The following ADH5 variants were observed in gnomAD, a reference collection of about 807,000 sequenced individuals.
The protein encoded by ADH5 is alcohol dehydrogenase class-3.
ADH5 carries 32 observed loss-of-function variants against 40.3 expected under a neutral mutation model. The observed-to-expected ratio is 0.79, with a 90% CI of 0.60 to 1.07. The LOEUF (loss-of-function observed/expected upper bound fraction) is 1.07, where lower values mean the gene tolerates loss of function less well. ADH5 is among the 50% of genes least tolerant of loss of function. The pLI, the probability that ADH5 is intolerant of heterozygous loss-of-function variation, is 0.00. For synonymous variants in ADH5, 125 were observed against 154.3 expected (o/e 0.81, Z 1.41); for missense variants, 353 against 460.5 (o/e 0.77, Z 2.14).
chr4:99,086,741 G>C (rs1343291578), intron 1 of ADH5, among the ~76,000 whole-genome samples: 1 of 150,866 alleles, frequency 6.6e-6, no homozygotes, highest in Non-Finnish European at 1.5e-5. Flanking sequence ...TCAGGAGATC[G>C]AGACCATCCT....
At chr4:99,088,128 C>T (rs1226320919) in intron 1 of ADH5, among the ~76,000 whole-genome samples, 3 of 152,094 alleles carry the variant, frequency 2.0e-5, no homozygotes, top group East Asian at 3.9e-4. Context: ...GTGTTTGTTA[C>T]GTGAGGACTA....
Position 99,072,452 on chromosome 4 carries a change from A to C in ADH5, c.1101-11T>G, listed in dbSNP as rs1560751975. On this transcript the variant is annotated splice_polypyrimidine_tract_variant and intron_variant, in intron 8 of 8. Transcript: ENST00000296412. ...ACAACAGTTCGAATGCTGTAAAAGGAAGCAACATACTAAGTTTTAAATGAT... is the reference window on the plus strand; with the variant it reads ...ACAACAGTTCGAATGCTGTAAAAGGCAGCAACATACTAAGTTTTAAATGAT... 6.2e-7 allele frequency: 1 copy of C among 1,613,092 alleles called. No homozygotes were observed. The highest frequency in any genetic ancestry group is 1.7e-5 in the Admixed American group (1 of 59,968).
rs531368715 is a variant in ADH5 at position 99,077,734 on chromosome 4, A to G, written c.345-811T>C. The stretch of plus-strand genomic sequence containing the variant: ...ACTTTGTTTTGCCTGTGACTTGGTT[A>G]CACCAATAGGAAAGAAAACCCAAAA... On this transcript the variant is annotated intron_variant, in intron 4 of 8. Coordinates refer to ENST00000296412, the MANE Select transcript of ADH5 (RefSeq NM_000671.4). 3.9e-5 allele frequency among the ~76,000 whole-genome samples: 6 copies of G among 152,354 alleles called. No homozygotes were observed. In the East Asian group the frequency reaches 1.2e-3, roughly 29 times the overall value.
At chr4:99,080,105 C>T (rs1728000599) in intron 4 of ADH5, 4 of 370,590 alleles carry the variant, frequency 1.1e-5, no homozygotes, top group South Asian at 8.2e-5. Flanking sequence ...GTAAGAGACA[C>T]TCACAACAGA....
chr4:99,078,478 A>G (rs112819654), intron 4 of ADH5, among the ~76,000 whole-genome samples: 6 of 152,250 alleles, frequency 3.9e-5, no homozygotes, highest in African/African-American at 9.6e-5. Context: ...ATCATGGCTC[A>G]CTGCAACCTC....
chr4:99,075,697 G>A (rs1727911554), intron 6 of ADH5: 1 of 152,660 alleles, frequency 6.6e-6, no homozygotes, highest in Admixed American at 6.5e-5. Flanking sequence ...TTAAGTAGGT[G>A]TTGTTACTAC....
At chr4:99,074,723 C>T (rs1727890971) in intron 7 of ADH5, among the ~76,000 whole-genome samples, 191 bp downstream of exon 7, 1 of 152,148 alleles carries the variant, frequency 6.6e-6, no homozygotes, top group African/African-American at 2.4e-5. Flanking sequence ...CCCTCCCCCC[C>T]AAGTCCCAGG....
chr4:99,072,121 A>G lies in ADH5; in HGVS notation c.*296T>C, dbSNP rs184372785. Reference sequence around the variant, plus strand: ...GATAATGGGCAGACAAACCGTGACAATGATGACAGCATAAAACAAGACAAT... The same window carrying G: ...GATAATGGGCAGACAAACCGTGACAGTGATGACAGCATAAAACAAGACAAT... On this transcript the variant is annotated 3_prime_UTR_variant, in exon 9 of 9. Transcript: ENST00000296412. 14 of 318,588 alleles carry G rather than the reference A, an allele frequency of 4.4e-5. No individual in the cohort carries two copies. The highest frequency in any genetic ancestry group is 4.4e-4 in the Admixed American group (9 of 20,482). 19.7% of individuals were successfully genotyped at this position (318,588 alleles called of 1,614,324 possible).
At chr4:99,086,965 G>C (rs1388916433) in intron 1 of ADH5, among the ~76,000 whole-genome samples, 2 of 95,304 alleles carry the variant, frequency 2.1e-5, no homozygotes. Flanking sequence ...AAAAAAAAAA[G>C]AATATGAAGT....
intron 8 of ADH5, 41 bp downstream of exon 8, chr4:99,072,532 C>T (rs1344715051): frequency 3.1e-6 from 5 of 1,608,902 alleles, no homozygotes; most frequent in Non-Finnish European, 4.2e-6. Flanking sequence ...TCAAACTCAA[C>T]ATCATTATTA....
intron 2 of ADH5, among the ~76,000 whole-genome samples, chr4:99,084,398 T>TTG: frequency 6.6e-6 from 1 of 152,302 alleles, no homozygotes; most frequent in South Asian, 2.1e-4. Context: ...ATAGTGCATT[T>TTG]GTACACCAAA....
At chr4:99,079,658 G>C (rs902362030) in intron 4 of ADH5, among the ~76,000 whole-genome samples, 3 of 151,662 alleles carry the variant, frequency 2.0e-5, no homozygotes, top group Non-Finnish European at 4.4e-5. Context: ...AAAAAAAACG[G>C]AACACACACA....
chr4:99,084,450 A>G (rs1221763947), intron 2 of ADH5, among the ~76,000 whole-genome samples: 1 of 152,216 alleles, frequency 6.6e-6, no homozygotes, highest in African/African-American at 2.4e-5. Context: ...ATGCCATGGC[A>G]ATGTCATGAA....
intron 7 of ADH5, 57 bp from the exon 8 acceptor site, chr4:99,072,768 TAGCTG>T (rs1727857965): frequency 6.6e-7 from 1 of 1,518,092 alleles, no homozygotes; most frequent in Admixed American, 2.0e-5. Context: ...GCTTGTTACT[TAGCTG>T]AGGACAAAAG....
At chr4:99,081,787 T>C (rs1359991008) in intron 3 of ADH5, 188 bp downstream of exon 3, 6 of 716,386 alleles carry the variant, frequency 8.4e-6, no homozygotes, top group East Asian at 2.8e-5. Context: ...ACAAAAACAG[T>C]AGTCTGCAAA....
chr4:99,080,948 A>C (rs934515934), intron 4 of ADH5, among the ~76,000 whole-genome samples: 3 of 152,260 alleles, frequency 2.0e-5, no homozygotes, highest in African/African-American at 7.2e-5. Flanking sequence ...GGAGTCCTTT[A>C]AAATTAACTG....
chr4:99,088,315 G>A (rs536339954), intron 1 of ADH5, among the ~76,000 whole-genome samples: 1 of 152,318 alleles, frequency 6.6e-6, no homozygotes, highest in Admixed American at 6.5e-5. Flanking sequence ...TGCCAAGTAT[G>A]CAAGCTGCAA....
chr4:99,083,199 C>T (rs972917132), intron 2 of ADH5, among the ~76,000 whole-genome samples: 9 of 152,124 alleles, frequency 5.9e-5, no homozygotes, highest in African/African-American at 2.2e-4. Context: ...ACATCCAGGA[C>T]AAACATCTTC....
In ADH5 at chr4:99,072,703, T is replaced by A; in HGVS notation, c.970A>T (p.Ser324Cys). The A allele has an allele frequency of 1.2e-6, 2 of 1,606,008 alleles. No individual in the cohort carries two copies. Among genetic ancestry groups the A allele is most frequent in the Non-Finnish European group, 8.5e-7 (1 of 1,177,818 alleles). ...WKGTAFGGWK[S>C]VESVPKLVSE... ...ACCAACTTTGGGACACTTTCTACAC[T>A]CTTCCATCCTAAAAGAAATCACACA... is the stretch of plus-strand genomic sequence containing the variant. Residue 324 changes from serine (S) to cysteine (C), a missense_variant, in exon 8 of 9, where the codon AGT becomes TGT. Ser to Cys is a moderately radical substitution (Grantham distance 112). Transcript: ENST00000296412.
Sources: gnomAD v4.1 joint callset for allele counts (sites outside exome capture counted in the v4.1 genomes callset) on GRCh38, gnomAD v4.1.1 for gene constraint, MANE v1.5 for transcripts, NCBI Gene and HGNC (gene_info 2026-07-23, HGNC 2026-07-21) for gene names.